Variants in SH3RF3 observed in about 807,000 individuals in gnomAD.
SH3RF3 encodes the protein E3 ubiquitin-protein ligase SH3RF3.
SH3RF3 carries 29 observed loss-of-function variants against 66.3 expected under a neutral mutation model. The ratio of observed to expected loss-of-function variants is 0.44; its 90% CI spans 0.33 to 0.60. The LOEUF (loss-of-function observed/expected upper bound fraction) is 0.60. Among genes scored for constraint, SH3RF3 ranks in the 20% least tolerant of loss-of-function variants. The pLI is 0.04. For missense variants in SH3RF3, 1,194 were observed against 1,190.9 expected (o/e 1.00, Z -0.04); for synonymous variants, 583 against 532.0 (o/e 1.10, Z -1.32).
intron 1 of SH3RF3, among the ~76,000 whole-genome samples, chr2:109,266,517 ATT>A (rs1680500012): frequency 6.6e-6 from 1 of 152,044 alleles, no homozygotes; most frequent in Non-Finnish European, 1.5e-5. Context: ...TTCAACTCTC[ATT>A]GTTCTCCTCA....
At position 109,172,891 on chromosome 2, in the gene SH3RF3, C is replaced by T. The variant is rs138817277; in HGVS notation, c.573+42778C>T. On this transcript the variant is annotated intron_variant, in intron 1 of 9. Transcript: ENST00000309415. ...TCCAGTATTTCTCTTCCAAAATAAA[C>T]GTGCATGTTCAAAGCAATTGCTTGT... Among the ~76,000 whole-genome samples the T allele has an allele frequency of 1.7e-3, 265 of 152,260 alleles. 1 individual carries two copies. Among genetic ancestry groups the T allele is most frequent in the East Asian group, 5.6e-3 (29 of 5,180 alleles).
intron 1 of SH3RF3, among the ~76,000 whole-genome samples, chr2:109,135,724 A>G (rs1266042420): frequency 6.6e-6 from 1 of 152,116 alleles, no homozygotes; most frequent in Non-Finnish European, 1.5e-5. Flanking sequence ...AGATTCAGTC[A>G]GTCCATGTTG....
intron 1 of SH3RF3, among the ~76,000 whole-genome samples, chr2:109,316,504 T>C (rs990176252): frequency 4.6e-5 from 7 of 152,340 alleles, no homozygotes; most frequent in South Asian, 4.1e-4. Context: ...AGAGAACTTA[T>C]CACTCCTCTT....
intron 7 of SH3RF3, among the ~76,000 whole-genome samples, chr2:109,437,551 G>A (rs186583209): frequency 2.1e-4 from 32 of 152,242 alleles, no homozygotes; most frequent in Admixed American, 5.2e-4. Flanking sequence ...ATTGTGGGCC[G>A]GCCACGTGGG....
chr2:109,270,252 C>T (rs1292364886), intron 1 of SH3RF3, among the ~76,000 whole-genome samples: 1 of 152,188 alleles, frequency 6.6e-6, no homozygotes, highest in Non-Finnish European at 1.5e-5. Context: ...TAGGCTGGAA[C>T]ACCTGAAGCG....
intron 4 of SH3RF3, among the ~76,000 whole-genome samples, chr2:109,415,241 A>T (rs1399437410): frequency 2.6e-5 from 4 of 152,208 alleles, no homozygotes; most frequent in African/African-American, 9.7e-5. Context: ...AGTGATTGTA[A>T]GCCCCTGAGT....
intron 1 of SH3RF3, among the ~76,000 whole-genome samples, chr2:109,342,278 T>G (rs954048180): frequency 6.6e-6 from 1 of 152,170 alleles, no homozygotes; most frequent in Non-Finnish European, 1.5e-5. Context: ...TCTCATATTT[T>G]GGGAAAAATA....
chr2:109,398,514 C>T lies in SH3RF3; in HGVS notation c.946-76C>T, dbSNP rs889911365. On this transcript the variant is annotated intron_variant, in intron 3 of 9. Transcript: ENST00000309415. ...TGCCAGTTTGTGAATGGAAATGTGG[C>T]CTGGAGAGTGCAGAGGGCTGGTGTG... The T allele has an allele frequency of 7.7e-6, 10 of 1,300,652 alleles. No homozygotes were observed. In the Admixed American group the frequency reaches 1.3e-4, roughly 17 times the overall value. 80.6% of individuals were successfully genotyped at this position (1,300,652 alleles called of 1,614,324 possible).
chr2:109,186,888 G>C (rs1370124797), intron 1 of SH3RF3, among the ~76,000 whole-genome samples: 1 of 152,164 alleles, frequency 6.6e-6, no homozygotes, highest in Non-Finnish European at 1.5e-5. Context: ...GATTCTGTGG[G>C]TCCATATATT....
chr2:109,274,072 A>G (rs1680691828), intron 1 of SH3RF3, among the ~76,000 whole-genome samples: 1 of 152,174 alleles, frequency 6.6e-6, no homozygotes, highest in African/African-American at 2.4e-5. Context: ...CATTACTGCT[A>G]TTTTATTATC....
chr2:109,216,110 C>T (rs955078503), intron 1 of SH3RF3, among the ~76,000 whole-genome samples: 2 of 151,942 alleles, frequency 1.3e-5, no homozygotes, highest in African/African-American at 4.8e-5. Context: ...AGGAGGAACC[C>T]GGGGGACATC....
At chr2:109,156,523 G>A (rs2104891186) in intron 1 of SH3RF3, among the ~76,000 whole-genome samples, 1 of 151,796 alleles carries the variant, frequency 6.6e-6, no homozygotes, top group Non-Finnish European at 1.5e-5. Context: ...TTGGCTCACT[G>A]CAGCCTTTAC....
chr2:109,160,012 A>G (rs979287978), intron 1 of SH3RF3, among the ~76,000 whole-genome samples: 4 of 152,112 alleles, frequency 2.6e-5, no homozygotes, highest in Non-Finnish European at 5.9e-5. Context: ...TCATCCCAAA[A>G]CCATCTCCCC....
intron 1 of SH3RF3, among the ~76,000 whole-genome samples, chr2:109,186,553 T>C (rs979350116): frequency 5.9e-5 from 9 of 152,236 alleles, no homozygotes; most frequent in Non-Finnish European, 7.3e-5. Context: ...GTTTTTGACA[T>C]TTCCAGCAAC....
intron 1 of SH3RF3, among the ~76,000 whole-genome samples, chr2:109,269,308 C>G (rs1189709939): frequency 6.6e-6 from 1 of 152,182 alleles, no homozygotes; most frequent in Non-Finnish European, 1.5e-5. Flanking sequence ...ATAGCAGCAG[C>G]CAAGATGGGA....
intron 1 of SH3RF3, among the ~76,000 whole-genome samples, chr2:109,328,833 T>C (rs1328904063): frequency 1.3e-5 from 2 of 152,168 alleles, no homozygotes; most frequent in Admixed American, 1.3e-4. Flanking sequence ...CACAGTGTTA[T>C]CCAGAGGTGG....
chr2:109,456,206 GGTTA>G (rs1264282460), intron 8 of SH3RF3, among the ~76,000 whole-genome samples: 2 of 152,236 alleles, frequency 1.3e-5, no homozygotes, highest in African/African-American at 2.4e-5. Context: ...CAGCTCTGCT[GGTTA>G]GTGGCACTGG....
intron 1 of SH3RF3, among the ~76,000 whole-genome samples, chr2:109,186,628 G>A (rs974022262): frequency 6.6e-6 from 1 of 152,204 alleles, no homozygotes; most frequent in African/African-American, 2.4e-5. Flanking sequence ...TTGGAATGGG[G>A]TTTTGGGTTG....
At chr2:109,430,492 C>T (rs1259089019) in intron 5 of SH3RF3, among the ~76,000 whole-genome samples, 2 of 151,902 alleles carry the variant, frequency 1.3e-5, no homozygotes, top group African/African-American at 4.8e-5. Flanking sequence ...CTCTCCCCGT[C>T]CTCTCCCATC....
Sources: gnomAD v4.1 joint callset for allele counts (sites outside exome capture counted in the v4.1 genomes callset) on GRCh38, gnomAD v4.1.1 for gene constraint, MANE v1.5 for transcripts, NCBI Gene and HGNC (gene_info 2026-07-23, HGNC 2026-07-21) for gene names.